NLGN2: variants seen among roughly 807,000 people sequenced by gnomAD.
NLGN2 encodes neuroligin-2.
In NLGN2, 11 loss-of-function variants were observed where a neutral mutation model predicts 48.6. The ratio of observed to expected loss-of-function variants is 0.23; its 90% CI spans 0.14 to 0.37. NLGN2 has a LOEUF of 0.37. NLGN2 is among the 10% of genes least tolerant of loss of function. NLGN2 has a pLI of 1.00. For missense variants in NLGN2, 801 were observed against 1,225.2 expected (o/e 0.65, Z 5.17); for synonymous variants, 548 against 550.0 (o/e 1.00, Z 0.05).
intron 2 of NLGN2, 126 bp from the exon 3 acceptor site, chr17:7,414,218 A>G: frequency 2.5e-6 from 2 of 803,134 alleles, no homozygotes; most frequent in Non-Finnish European, 4.1e-6. Context: ...CAGGGATGGG[A>G]GTGACATGTC....
At position 7,408,705 on chromosome 17, in the gene NLGN2, C is replaced by T. The variant is rs768323279; in HGVS notation, c.450C>T (p.Thr150=). ...TGTACCTCAACCTCTACGTGCCCAC[C>T]GAGGACGGTAAGGGCGCGGGCACAA... ...DCLYLNLYVP[T]EDGPLTKKRD... Residue 150 remains threonine, a synonymous_variant, in exon 1 of 7, where the codon ACC becomes ACT. Coordinates refer to ENST00000302926, the MANE Select transcript of NLGN2 (RefSeq NM_020795.4). The surrounding 1 kb of genome is among the most constrained non-coding windows in gnomAD (Gnocchi z 7.5). 20 of 1,612,702 alleles carry T rather than the reference C, an allele frequency of 1.2e-5. No homozygotes were observed. The highest frequency in any genetic ancestry group is 1.5e-5 in the Non-Finnish European group (18 of 1,179,648).
intron 6 of NLGN2, 149 bp downstream of exon 6, chr17:7,416,256 G>A (rs560897219): frequency 2.3e-4 from 157 of 682,214 alleles, no homozygotes; most frequent in Non-Finnish European, 3.3e-4. Flanking sequence ...GGAGTTGAGC[G>A]TTGGAGACTC....
chr17:7,415,463 A>G, intron 5 of NLGN2, 48 bp from the exon 6 acceptor site: 2 of 1,525,238 alleles, frequency 1.3e-6, no homozygotes, highest in Non-Finnish European at 9.1e-7. Context: ...CCACAGGCCA[A>G]GAGGAGGCCA....
Position 7,417,289 on chromosome 17 carries a change from C to T in NLGN2, c.1998C>T (p.Pro666=), listed in dbSNP as rs771820444. Reference sequence around the variant, plus strand: ...GCCCAAGGGCCTATGACCGCTTCCCCGGGGACTCACGGGACTACTCCACGG... The same window carrying T: ...GCCCAAGGGCCTATGACCGCTTCCCTGGGGACTCACGGGACTACTCCACGG... ...EPGPRAYDRF[P]GDSRDYSTEL... Residue 666 remains proline, a synonymous_variant, in exon 7 of 7, where the codon CCC becomes CCT. Transcript: ENST00000302926. 1.7e-5 allele frequency: 27 copies of T among 1,601,726 alleles called. No homozygotes were observed. Among genetic ancestry groups the T allele is most frequent in the South Asian group, 1.2e-4 (11 of 89,430 alleles).
Position 7,414,814 on chromosome 17 carries a change from C to T in NLGN2, c.810C>T (p.Cys270=), listed in dbSNP as rs560558851. The T allele has an allele frequency of 1.3e-5, 21 of 1,614,224 alleles. No individual in the cohort carries two copies. Among genetic ancestry groups the T allele is most frequent in the African/African-American group, 8.0e-5 (6 of 75,062 alleles). ...TTGGTTCCGGGGCAGGGGCCTCCTG[C>T]GTCAACCTTCTGATCCTCTCCCACC... The part of the protein sequence containing the change: ...TIFGSGAGAS[C]VNLLILSHHS... Residue 270 remains cysteine, a synonymous_variant, in exon 4 of 7, where the codon TGC becomes TGT. Transcript: ENST00000302926.
rs1209194932 is a variant in NLGN2, at chr17:7,408,364, G to T, written c.109G>T (p.Gly37Cys). 1.3e-6 allele frequency: 2 copies of T among 1,499,286 alleles called. No homozygotes were observed. The allele number at this position is 1,499,286 out of a possible 1,614,324, so 92.9% of individuals were successfully genotyped here. ...GGPGLGLGSL[G>C]EERFPVVNTA... ...CCCCGGCCTGGGCCTCGGCAGCCTC[G>T]GCGAGGAGCGCTTCCCGGTGGTGAA... The change falls in exon 1 of 7, where the codon GGC becomes TGC. Residue 37 changes from glycine (G) to cysteine (C), a missense_variant. By Grantham distance (159) the Gly-to-Cys change is radical (BLOSUM62 -3). This residue lies in a region of NLGN2 where 164 missense variants were observed against 186.2 expected (regional missense o/e 0.88). Transcript: ENST00000302926. This position sits in a 1 kb window ranked among gnomAD's most constrained non-coding sequence, Gnocchi z 7.5.
chr17:7,414,917 G>GT (rs570084877), intron 4 of NLGN2, 39 bp from the exon 5 acceptor site: 208 of 1,613,182 alleles, frequency 1.3e-4, no homozygotes, highest in Admixed American at 7.7e-4. Context: ...CTTCAGGCCG[G>GT]TACTCACAGC....
chr17:7,406,751 G>A (rs1224810446), upstream of NLGN2, among the ~76,000 whole-genome samples: 2 of 151,946 alleles, frequency 1.3e-5, no homozygotes, highest in Non-Finnish European at 2.9e-5. Flanking sequence ...AGGCATCAGA[G>A]CAGCAACTGT....
At position 7,417,386 on chromosome 17, in the gene NLGN2, T is replaced by C. The variant is rs1248439694; in HGVS notation, c.2095T>C (p.Tyr699His). Reference protein sequence around the residue: ...LNILAFAALYYKRDRRQELRC... With the variant: ...LNILAFAALYHKRDRRQELRC... ...CATCCTGGCCTTTGCTGCCCTCTACTACAAGCGGGACCGGCGGCAGGAGCT... is the reference window on the plus strand; with the variant it reads ...CATCCTGGCCTTTGCTGCCCTCTACCACAAGCGGGACCGGCGGCAGGAGCT... The change falls in exon 7 of 7, where the codon TAC becomes CAC. Residue 699 changes from tyrosine to histidine, a missense_variant. Around this residue, in one of 5 missense-constraint regions of NLGN2, gnomAD observed 276 missense variants for 313.9 expected, o/e 0.88. Coordinates refer to ENST00000302926, the MANE Select transcript of NLGN2 (RefSeq NM_020795.4). 1 of 1,611,076 alleles carries C rather than the reference T, an allele frequency of 6.2e-7. No homozygotes were observed. The highest frequency in any genetic ancestry group is 8.5e-7 in the Non-Finnish European group (1 of 1,178,992).
At position 7,415,992 on chromosome 17, in the gene NLGN2, G is replaced by A; in HGVS notation, c.1519G>A (p.Val507Ile). 6.2e-7 allele frequency: 1 copy of A among 1,614,188 alleles called. No individual in the cohort carries two copies. Among genetic ancestry groups the A allele is most frequent in the Non-Finnish European group, 8.5e-7 (1 of 1,180,038 alleles). ...GGCGCACGGGGATGAACTGCCCTAT[G>A]TCTTTGGCGTGCCCATGGTGGGTGC... ...DAAHGDELPYVFGVPMVGATD... is the reference protein window; with the variant it reads ...DAAHGDELPYIFGVPMVGATD... Residue 507 changes from valine (V) to isoleucine (I), a missense_variant, in exon 6 of 7, where the codon GTC becomes ATC. Coordinates refer to ENST00000302926, the MANE Select transcript of NLGN2 (RefSeq NM_020795.4).
Position 7,416,005 on chromosome 17 carries a change from C to T in NLGN2, c.1532C>T (p.Pro511Leu). 1 of 1,614,134 alleles carries T rather than the reference C, an allele frequency of 6.2e-7. No homozygotes were observed. The highest frequency in any genetic ancestry group is 8.5e-7 in the Non-Finnish European group (1 of 1,180,028). ...GDELPYVFGVPMVGATDLFPC... is the reference protein window; with the variant it reads ...GDELPYVFGVLMVGATDLFPC... ...GAACTGCCCTATGTCTTTGGCGTGC[C>T]CATGGTGGGTGCCACCGACCTCTTC... is the stretch of plus-strand genomic sequence containing the variant. The change falls in exon 6 of 7, where the codon CCC becomes CTC. Residue 511 changes from proline (P) to leucine (L), a missense_variant. Physicochemically the swap from Pro to Leu is moderately conservative, Grantham distance 98. Around this residue, in one of 5 missense-constraint regions of NLGN2, gnomAD observed 303 missense variants for 600.1 expected, o/e 0.50. Transcript: ENST00000302926.
intron 6 of NLGN2, 27 bp from the exon 7 acceptor site, chr17:7,416,899 C>T: frequency 6.2e-7 from 1 of 1,611,906 alleles, no homozygotes; most frequent in Non-Finnish European, 8.5e-7. Context: ...CCTCACTCCT[C>T]CTTTCCCTGC....
At position 7,413,579 on chromosome 17, in the gene NLGN2, C is replaced by T. The variant is rs926348799; in HGVS notation, c.509-765C>T. ...CACCCTTCAGTCCAATCTGGAGCAA[C>T]TCAAGGGCCTGATCACATGTGGCAG... On this transcript the variant is annotated intron_variant, in intron 2 of 6. Transcript: ENST00000302926. This position sits in a 1 kb window ranked among gnomAD's most constrained non-coding sequence, Gnocchi z 4.9. 1.3e-5 allele frequency among the ~76,000 whole-genome samples: 2 copies of T among 152,154 alleles called. No individual in the cohort carries two copies. Among genetic ancestry groups the T allele is most frequent in the Non-Finnish European group, 2.9e-5 (2 of 68,016 alleles).
intron 4 of NLGN2, 52 bp downstream of exon 4, chr17:7,414,900 C>G (rs566034097): frequency 1.3e-4 from 209 of 1,613,486 alleles, no homozygotes; most frequent in Admixed American, 7.7e-4. Context: ...GCCAACTCCC[C>G]CCTCTCCTTC....
At position 7,408,563 on chromosome 17, in the gene NLGN2, C is replaced by G; in HGVS notation, c.308C>G (p.Pro103Arg). Residue 103 changes from proline (P) to arginine (R), a missense_variant, in exon 1 of 7, where the codon CCG (proline) becomes CGG (arginine). Coordinates refer to ENST00000302926, the MANE Select transcript of NLGN2 (RefSeq NM_020795.4). This position sits in a 1 kb window ranked among gnomAD's most constrained non-coding sequence, Gnocchi z 7.5. The part of the protein sequence containing the change: ...WPGVRNATTL[P>R]PACPQNLHGA... Reference sequence around the variant, plus strand: ...GGCGTGCGCAACGCCACCACCCTGCCGCCCGCCTGCCCGCAGAACCTGCAC... The same window carrying G: ...GGCGTGCGCAACGCCACCACCCTGCGGCCCGCCTGCCCGCAGAACCTGCAC... 6.4e-7 allele frequency: 1 copy of G among 1,551,980 alleles called. No homozygotes were observed. The highest frequency in any genetic ancestry group is 8.7e-7 in the Non-Finnish European group (1 of 1,150,194).
In NLGN2 at chr17:7,417,028, G is replaced by A; in HGVS notation, c.1737G>A (p.Gln579=). 1.9e-6 allele frequency: 3 copies of A among 1,614,190 alleles called. No individual in the cohort carries two copies. The highest frequency in any genetic ancestry group is 2.5e-6 in the Non-Finnish European group (3 of 1,180,034). The stretch of plus-strand genomic sequence containing the variant: ...GCAAATTCAACAGCAAGGAGAAGCA[G>A]TATCTGCACATAGGCCTGAAGCCAC... ...VWSKFNSKEK[Q]YLHIGLKPRV... is the part of the protein sequence containing the mutation. Residue 579 remains glutamine (Q), a synonymous_variant, in exon 7 of 7, where the codon CAG becomes CAA. Coordinates refer to ENST00000302926, the MANE Select transcript of NLGN2 (RefSeq NM_020795.4).
rs1906963488 is a variant in NLGN2, at chr17:7,413,064, T to G, written c.508+857T>G. ...AACTGAGGACAATTAGGACAGGACC[T>G]TGGAGGGAAGGAGATTCCGGCCTGA... On this transcript the variant is annotated intron_variant, in intron 2 of 6. Coordinates refer to ENST00000302926, the MANE Select transcript of NLGN2 (RefSeq NM_020795.4). This position sits in a 1 kb window ranked among gnomAD's most constrained non-coding sequence, Gnocchi z 4.9. Among the ~76,000 whole-genome samples, 1 of 152,126 alleles carries G rather than the reference T, an allele frequency of 6.6e-6. No individual in the cohort carries two copies. The highest frequency in any genetic ancestry group is 6.6e-5 in the Admixed American group (1 of 15,266).
rs750486754 is a variant in NLGN2, at chr17:7,417,200, G to T, written c.1909G>T (p.Ala637Ser). 2.6e-6 allele frequency: 4 copies of T among 1,561,118 alleles called. No individual in the cohort carries two copies. Among genetic ancestry groups the T allele is most frequent in the Non-Finnish European group, 3.5e-6 (4 of 1,155,722 alleles). ...CTGGCCGCCTCGTCCCCCCGCTGGC[G>T]CCCCGGGCACACGCCGGCCCCCGCC... ...TRWPPRPPAG[A>S]PGTRRPPPPA... is the part of the protein sequence containing the mutation. Residue 637 changes from alanine (A) to serine (S), a missense_variant, in exon 7 of 7, where the codon GCC becomes TCC. Coordinates refer to ENST00000302926, the MANE Select transcript of NLGN2 (RefSeq NM_020795.4).
rs1029106041 is a variant in NLGN2, at chr17:7,411,825, C to T, written c.458-332C>T. On this transcript the variant is annotated intron_variant, in intron 1 of 6. Transcript: ENST00000302926. This position sits in a 1 kb window ranked among gnomAD's most constrained non-coding sequence, Gnocchi z 4.5. ...CATTTCCAGCAATTAGCAAACACAT[C>T]GACAAGCCAAAACCTTTCCAGCCAA... is the stretch of plus-strand genomic sequence containing the variant. Among the ~76,000 whole-genome samples the T allele has an allele frequency of 1.4e-5, 2 of 146,262 alleles. No homozygotes were observed. Among genetic ancestry groups the T allele is most frequent in the African/African-American group, 2.5e-5 (1 of 40,506 alleles).
Sources: allele counts gnomAD v4.1 joint callset (sites outside exome capture counted in the v4.1 genomes callset), GRCh38; gene constraint gnomAD v4.1.1; regional missense constraint gnomAD v4.1.1; non-coding constraint Gnocchi (gnomAD v3.1); transcripts MANE v1.5; gene names NCBI Gene and HGNC (gene_info 2026-07-23, HGNC 2026-07-21).